The following CEMIP variants were observed in gnomAD, a reference collection of about 807,000 sequenced individuals.
CEMIP encodes the protein cell migration-inducing and hyaluronan-binding protein.
Under a neutral mutation model 156.9 loss-of-function variants are expected in CEMIP, and 105 were observed. The observed-to-expected ratio is 0.67, with a 90% CI of 0.57 to 0.79. CEMIP has a LOEUF of 0.79. Among genes scored for constraint, CEMIP ranks in the 30% least tolerant of loss-of-function variants. The pLI is 0.00. For synonymous variants in CEMIP, 676 were observed against 668.4 expected, an observed-to-expected ratio of 1.01 and a Z score of -0.17; for missense variants, 1,457 against 1,769.4, an observed-to-expected ratio of 0.82 and a Z score of 3.17.
rs1470540506 is a variant in CEMIP at position 80,945,117 on chromosome 15, G to A, written c.3858-1848G>A. ...CCCCAGGGTCCTGGGGAGAGAAGAG[G>A]GCAGCTGCTCACACCAGAAACATCT... On this transcript the variant is annotated intron_variant, in intron 28 of 29. Transcript: ENST00000394685. 2.6e-5 allele frequency among the ~76,000 whole-genome samples: 4 copies of A among 152,218 alleles called. No individual in the cohort carries two copies. In the East Asian group the frequency reaches 7.7e-4, roughly 29 times the overall value.
At chr15:80,912,337 A>T (rs1276841575) in intron 14 of CEMIP, among the ~76,000 whole-genome samples, 1 of 152,046 alleles carries the variant, frequency 6.6e-6, no homozygotes, top group Admixed American at 6.5e-5. Flanking sequence ...GAACCAGAAG[A>T]CCCTTGCTGC....
chr15:80,859,964 G>T (rs775205953), intron 1 of CEMIP, among the ~76,000 whole-genome samples: 30 of 152,104 alleles, frequency 2.0e-4, no homozygotes, highest in Non-Finnish European at 3.7e-4. Flanking sequence ...GGGTGGATCT[G>T]CCTGCTTGTC....
intron 1 of CEMIP, among the ~76,000 whole-genome samples, chr15:80,780,521 A>G (rs1031181512): frequency 2.6e-5 from 4 of 152,134 alleles, no homozygotes; most frequent in African/African-American, 9.7e-5. Context: ...CAAGGGTCGG[A>G]CGCTACGGCA....
chr15:80,882,097 C>A (rs918545373), intron 6 of CEMIP, among the ~76,000 whole-genome samples: 1 of 152,244 alleles, frequency 6.6e-6, no homozygotes, highest in South Asian at 2.1e-4. Context: ...GAACAGGGCC[C>A]GAGCTGTGGG....
intron 1 of CEMIP, among the ~76,000 whole-genome samples, chr15:80,799,164 A>G (rs1375405036): frequency 6.6e-6 from 1 of 152,226 alleles, no homozygotes; most frequent in Non-Finnish European, 1.5e-5. Context: ...ATCTTAGCAG[A>G]CCAGGCCTGG....
intron 16 of CEMIP, 133 bp downstream of exon 16, chr15:80,921,234 T>G: frequency 4.6e-6 from 4 of 860,534 alleles, no homozygotes; most frequent in Non-Finnish European, 5.6e-6. Flanking sequence ...GGCTTAGCTG[T>G]GGTGAAGAGG....
intron 1 of CEMIP, among the ~76,000 whole-genome samples, chr15:80,795,644 T>C (rs1896204581): frequency 6.6e-6 from 1 of 152,132 alleles, no homozygotes; most frequent in Non-Finnish European, 1.5e-5. Flanking sequence ...TATTCATTGC[T>C]CTTGAAAAGC....
intron 14 of CEMIP, among the ~76,000 whole-genome samples, chr15:80,918,372 T>C (rs911775607): frequency 2.0e-5 from 3 of 152,172 alleles, no homozygotes; most frequent in African/African-American, 7.2e-5. Flanking sequence ...TCCTCCCTCC[T>C]ACCCAATGGA....
At chr15:80,849,095 G>A (rs1161681734) in intron 1 of CEMIP, among the ~76,000 whole-genome samples, 1 of 145,574 alleles carries the variant, frequency 6.9e-6, no homozygotes, top group Non-Finnish European at 1.5e-5. Flanking sequence ...AGGTTAAAGT[G>A]ATCCTCCCAC....
intron 1 of CEMIP, among the ~76,000 whole-genome samples, chr15:80,835,213 A>G (rs966727587): frequency 1.3e-5 from 2 of 152,056 alleles, no homozygotes; most frequent in African/African-American, 4.8e-5. Flanking sequence ...CCTATCTTAT[A>G]TATCTTTTCT....
intron 10 of CEMIP, among the ~76,000 whole-genome samples, chr15:80,890,445 C>G (rs913875605): frequency 6.6e-6 from 1 of 150,428 alleles, no homozygotes; most frequent in African/African-American, 2.4e-5. Context: ...AAAAAATTAG[C>G]TTGGTGTGGT....
At chr15:80,792,705 C>A (rs1373623322) in intron 1 of CEMIP, among the ~76,000 whole-genome samples, 1 of 152,084 alleles carries the variant, frequency 6.6e-6, no homozygotes, top group Non-Finnish European at 1.5e-5. Flanking sequence ...AAACTTTAAA[C>A]CTTTGGCAAG....
At chr15:80,938,113 C>CT (rs1901202932) in intron 25 of CEMIP, 134 bp downstream of exon 25, 2 of 731,822 alleles carry the variant, frequency 2.7e-6, no homozygotes, top group African/African-American at 1.7e-5. Flanking sequence ...CATTTTGACT[C>CT]TAAGGCTGAC....
intron 1 of CEMIP, among the ~76,000 whole-genome samples, chr15:80,801,320 C>A (rs185827004): frequency 1.3e-5 from 2 of 152,218 alleles, no homozygotes; most frequent in African/African-American, 2.4e-5. Context: ...CAACTGGAGG[C>A]TGGCTGGTCT....
Position 80,856,219 on chromosome 15 carries a change from A to G in CEMIP, c.-175-17319A>G, listed in dbSNP as rs542549566. On this transcript the variant is annotated intron_variant, in intron 1 of 29. Coordinates refer to ENST00000394685, the MANE Select transcript of CEMIP (RefSeq NM_001293298.2). ...GTTTCAGAGACATATGCATTTGTCA[A>G]AACTCAACAAGTGTGCATTTTAGGT... Among the ~76,000 whole-genome samples the G allele has an allele frequency of 7.2e-5, 11 of 152,348 alleles. No homozygotes were observed. In the East Asian group the frequency reaches 2.1e-3, roughly 29 times the overall value.
At chr15:80,845,815 T>C (rs1395867866) in intron 1 of CEMIP, among the ~76,000 whole-genome samples, 1 of 152,090 alleles carries the variant, frequency 6.6e-6, no homozygotes, top group Non-Finnish European at 1.5e-5. Flanking sequence ...CTGGATGGGA[T>C]CAGAGAAAAT....
At chr15:80,943,703 A>G (rs1901430006) in intron 28 of CEMIP, among the ~76,000 whole-genome samples, 1 of 152,106 alleles carries the variant, frequency 6.6e-6, no homozygotes. Context: ...TTCTGCCTGC[A>G]GTACTGCTCG....
At chr15:80,809,274 G>C (rs1896597067) in intron 1 of CEMIP, among the ~76,000 whole-genome samples, 1 of 152,146 alleles carries the variant, frequency 6.6e-6, no homozygotes, top group Admixed American at 6.6e-5. Flanking sequence ...TAGGGGAAAG[G>C]TTGAGTCAAT....
At chr15:80,947,417 G>C (rs1901606016) in intron 29 of CEMIP, 1 of 297,640 alleles carries the variant, frequency 3.4e-6, no homozygotes, top group Admixed American at 4.4e-5. Flanking sequence ...TATTCAGACT[G>C]GCCAGGGGTC....
Sources: allele counts gnomAD v4.1 joint callset (sites outside exome capture counted in the v4.1 genomes callset), GRCh38; gene constraint gnomAD v4.1.1; transcripts MANE v1.5; gene names NCBI Gene and HGNC (gene_info 2026-07-23, HGNC 2026-07-21).